FAF1: variants seen among roughly 807,000 people sequenced by gnomAD.
The protein encoded by FAF1 is FAS-associated factor 1.
FAF1 carries 25 observed loss-of-function variants against 92.5 expected under a neutral mutation model. That is an observed-to-expected ratio of 0.27 (90% CI 0.20 to 0.38). The LOEUF (loss-of-function observed/expected upper bound fraction) is 0.38, where lower values mean the gene tolerates loss of function less well. Among genes scored for constraint, FAF1 ranks in the 10% least tolerant of loss-of-function variants. The pLI, the probability that FAF1 is intolerant of heterozygous loss-of-function variation, is 1.00. For synonymous variants in FAF1, 234 were observed against 273.2 expected (o/e 0.86, Z 1.42); for missense variants, 636 against 793.3 (o/e 0.80, Z 2.38).
At chr1:50,615,744 T>C (rs1270373437) in intron 8 of FAF1, among the ~76,000 whole-genome samples, 1 of 152,136 alleles carries the variant, frequency 6.6e-6, no homozygotes, top group Non-Finnish European at 1.5e-5. Flanking sequence ...TCCTTACAGA[T>C]TTTTGGATAT....
intron 1 of FAF1, among the ~76,000 whole-genome samples, chr1:50,927,293 C>CA (rs1434294945): frequency 1.3e-5 from 2 of 152,034 alleles, no homozygotes; most frequent in East Asian, 3.9e-4. Flanking sequence ...AAGCTTACTG[C>CA]ATGGGGACCA....
chr1:50,806,785 T>A (rs1346264853), intron 2 of FAF1, among the ~76,000 whole-genome samples: 1 of 152,148 alleles, frequency 6.6e-6, no homozygotes, highest in Non-Finnish European at 1.5e-5. Context: ...CTCCCTAAAA[T>A]CTTTCACAAA....
At chr1:50,612,311 C>A in intron 8 of FAF1, 1 of 1,177,176 alleles carries the variant, frequency 8.5e-7, no homozygotes, top group African/African-American at 1.6e-5. Flanking sequence ...TCTTCAGTTA[C>A]AATGAAAAGG....
intron 8 of FAF1, among the ~76,000 whole-genome samples, chr1:50,614,390 G>A (rs1182673827): frequency 2.6e-5 from 4 of 152,020 alleles, no homozygotes; most frequent in Non-Finnish European, 5.9e-5. Context: ...CTGAATAAAT[G>A]TATTGAAATA....
chr1:50,787,376 T>G (rs1301532380), intron 4 of FAF1, among the ~76,000 whole-genome samples: 1 of 152,180 alleles, frequency 6.6e-6, no homozygotes, highest in African/African-American at 2.4e-5. Flanking sequence ...AGAGCTTTGT[T>G]AATGGGATTA....
intron 4 of FAF1, among the ~76,000 whole-genome samples, chr1:50,774,975 A>C (rs930220777): frequency 6.6e-6 from 1 of 152,118 alleles, no homozygotes; most frequent in African/African-American, 2.4e-5. Context: ...CTGTGATACA[A>C]AGTTCTTAGC....
At chr1:50,954,787 C>A (rs1029319139) in intron 1 of FAF1, among the ~76,000 whole-genome samples, 2 of 152,140 alleles carry the variant, frequency 1.3e-5, no homozygotes, top group African/African-American at 4.8e-5. Flanking sequence ...AAGTGATCCG[C>A]CTGCCTCGGC....
intron 15 of FAF1, among the ~76,000 whole-genome samples, chr1:50,528,419 A>T (rs1647957917): frequency 6.6e-6 from 1 of 152,236 alleles, no homozygotes; most frequent in African/African-American, 2.4e-5. Context: ...TTAATAATGA[A>T]GCAAAAACTT....
chr1:50,650,077 G>C (rs1654787067), intron 8 of FAF1, among the ~76,000 whole-genome samples: 1 of 151,622 alleles, frequency 6.6e-6, no homozygotes, highest in African/African-American at 2.4e-5. Flanking sequence ...CTGAGGTCGG[G>C]AGTTCGAGAC....
At chr1:50,916,113 G>A (rs1373100416) in intron 1 of FAF1, among the ~76,000 whole-genome samples, 1 of 152,144 alleles carries the variant, frequency 6.6e-6, no homozygotes. Flanking sequence ...CCAGACATTT[G>A]AGGAAAGCCT....
chr1:50,806,868 AAAAC>A (rs1189658218), intron 2 of FAF1, among the ~76,000 whole-genome samples: 55 of 152,338 alleles, frequency 3.6e-4, no homozygotes, highest in Non-Finnish European at 3.4e-4. Context: ...CAAAAGCAAA[AAAAC>A]AAACAAACAA....
intron 1 of FAF1, among the ~76,000 whole-genome samples, chr1:50,920,962 A>G (rs1407310379): frequency 6.6e-6 from 1 of 152,188 alleles, no homozygotes; most frequent in African/African-American, 2.4e-5. Flanking sequence ...AAGTCATAAA[A>G]ATTGGAAAGA....
At chr1:50,830,530 A>G (rs570790206) in intron 2 of FAF1, among the ~76,000 whole-genome samples, 45 of 152,376 alleles carry the variant, frequency 3.0e-4, no homozygotes, top group Non-Finnish European at 5.7e-4. Context: ...TGACCATCTC[A>G]GCAACTAATA....
chr1:50,470,978 A>C (rs953147846), intron 18 of FAF1: 26 of 152,200 alleles, frequency 1.7e-4, no homozygotes, highest in African/African-American at 6.3e-4. Flanking sequence ...TTTGCAATGC[A>C]ATTTGTTTTG....
In FAF1 at chr1:50,652,597, CTTT is replaced by C. The variant is rs1363693056; in HGVS notation, c.744+2842_744+2844del. 8.5e-5 allele frequency among the ~76,000 whole-genome samples: 13 copies of C among 152,230 alleles called. No homozygotes were observed. In the East Asian group the frequency reaches 2.3e-3, roughly 27 times the overall value. On this transcript the variant is annotated intron_variant, in intron 8 of 18. Coordinates refer to ENST00000396153, the MANE Select transcript of FAF1 (RefSeq NM_007051.3). ...ACAAGACAACTATTTTTGCTTTAAACTTTTTATTATGAAAATTTTCAAATATAT... is the reference window on the plus strand; with the variant it reads ...ACAAGACAACTATTTTTGCTTTAAACTTATTATGAAAATTTTCAAATATAT...
chr1:50,921,253 C>T (rs1431412589), intron 1 of FAF1, among the ~76,000 whole-genome samples: 1 of 152,214 alleles, frequency 6.6e-6, no homozygotes, highest in African/African-American at 2.4e-5. Context: ...GTAGCCAACA[C>T]CCCCAGATGC....
intron 4 of FAF1, among the ~76,000 whole-genome samples, chr1:50,750,022 C>T (rs992405664): frequency 6.6e-6 from 1 of 152,068 alleles, no homozygotes; most frequent in Non-Finnish European, 1.5e-5. Context: ...AGCATAGTAC[C>T]TGGGCAGTAT....
chr1:50,933,689 A>G (rs1025874588), intron 1 of FAF1, among the ~76,000 whole-genome samples: 17 of 152,176 alleles, frequency 1.1e-4, no homozygotes, highest in African/African-American at 3.9e-4. Flanking sequence ...CACTGTACTG[A>G]TATCAATTTA....
chr1:50,490,742 A>C (rs958272915), intron 16 of FAF1, 77 bp from the exon 17 acceptor site: 1 of 951,158 alleles, frequency 1.1e-6, no homozygotes, highest in Non-Finnish European at 1.7e-6. Context: ...AGGAAAGAGA[A>C]AAAAGAAAAG....
Sources: allele counts gnomAD v4.1 joint callset (sites outside exome capture counted in the v4.1 genomes callset), GRCh38; gene constraint gnomAD v4.1.1; transcripts MANE v1.5; gene names NCBI Gene and HGNC (gene_info 2026-07-23, HGNC 2026-07-21).